GABRG1: variants seen among roughly 807,000 people sequenced by gnomAD.
GABRG1 encodes gamma-aminobutyric acid type A receptor subunit gamma1, also known as gamma-aminobutyric acid receptor subunit gamma-1.
Under a neutral mutation model 49.8 loss-of-function variants are expected in GABRG1, and 49 were observed. The observed-to-expected ratio is 0.98, with a 90% CI of 0.78 to 1.25. GABRG1 has a LOEUF of 1.25. Ranked by LOEUF, GABRG1 falls within the 50% of genes most tolerant of loss-of-function variation. The probability of loss-of-function intolerance (pLI) is 0.00; values close to 1 mark genes in which losing one functional copy is unlikely to be tolerated. For missense variants in GABRG1, 552 were observed against 552.3 expected, an observed-to-expected ratio of 1.00 and a Z score of 0.01; for synonymous variants, 232 against 185.1, an observed-to-expected ratio of 1.25 and a Z score of -2.06.
intron 3 of GABRG1, among the ~76,000 whole-genome samples, chr4:46,071,315 AAT>A (rs1307530495): frequency 6.6e-6 from 1 of 151,590 alleles, no homozygotes; most frequent in East Asian, 1.9e-4. Flanking sequence ...AGACACAACA[AAT>A]ATATATGTTA....
intron 2 of GABRG1, among the ~76,000 whole-genome samples, chr4:46,096,970 G>A (rs1720184504): frequency 6.6e-6 from 1 of 151,614 alleles, no homozygotes; most frequent in Admixed American, 6.6e-5. Flanking sequence ...AACTCGGTCA[G>A]ATATTGTTGT....
In GABRG1 at chr4:46,048,975, G is replaced by C. The variant is rs1166187190; in HGVS notation, c.1131+2449C>G. On this transcript the variant is annotated intron_variant, in intron 8 of 8. Transcript: ENST00000295452. ...AGGATTTTAATTTTGCTTAATAACA[G>C]AATTGTTGACCTTTCAGCAACTCTC... Among the ~76,000 whole-genome samples the C allele has an allele frequency of 2.0e-5, 3 of 151,874 alleles. No individual in the cohort carries two copies. In the Admixed American group the frequency reaches 2.0e-4, roughly 10 times the overall value.
At chr4:46,066,280 C>T (rs1262299099) in intron 3 of GABRG1, among the ~76,000 whole-genome samples, 1 of 151,970 alleles carries the variant, frequency 6.6e-6, no homozygotes, top group Non-Finnish European at 1.5e-5. Context: ...TTTTTAAGAG[C>T]CCTTACATTG....
At position 46,097,209 on chromosome 4, in the gene GABRG1, T is replaced by C. The variant is rs752846754; in HGVS notation, c.245A>G (p.Asp82Gly). ...LQGYDNKLRP[D>G]IGVRPTVIET... The stretch of plus-strand genomic sequence containing the variant: ...TGGTAACTCAAGCTTACCTCCTATA[T>C]CTGGACGAAGTTTATTGTCATAGCC... The change falls in exon 2 of 9, where the codon GAT becomes GGT. Residue 82 changes from aspartate to glycine, a missense_variant. Physicochemically the swap from Asp to Gly is moderately conservative, Grantham distance 94. Transcript: ENST00000295452. 12 of 1,607,248 alleles carry C rather than the reference T, an allele frequency of 7.5e-6. No homozygotes were observed. Among genetic ancestry groups the C allele is most frequent in the Middle Eastern group, 3.3e-4 (2 of 6,036 alleles).
At chr4:46,068,729 A>G (rs1719008055) in intron 3 of GABRG1, among the ~76,000 whole-genome samples, 1 of 152,114 alleles carries the variant, frequency 6.6e-6, no homozygotes, top group African/African-American at 2.4e-5. Flanking sequence ...AAAAAAATCC[A>G]GTTTTGTATT....
chr4:46,065,278 C>CT (rs1406953553), intron 4 of GABRG1, 86 bp downstream of exon 4: 2 of 981,540 alleles, frequency 2.0e-6, no homozygotes, highest in African/African-American at 3.4e-5. Flanking sequence ...GGTTTTGCAA[C>CT]TTTGAGAAAT....
chr4:46,085,078 T>C (rs1228433401), intron 2 of GABRG1, among the ~76,000 whole-genome samples: 1 of 151,532 alleles, frequency 6.6e-6, no homozygotes, highest in Non-Finnish European at 1.5e-5. Context: ...CATTCTTATA[T>C]AATAAGAGAT....
rs1393280318 is a variant in GABRG1 at position 46,106,059 on chromosome 4, G to T, written c.105-8710C>A. 7.9e-5 allele frequency among the ~76,000 whole-genome samples: 12 copies of T among 151,452 alleles called. No individual in the cohort carries two copies. The South Asian group carries it at 1.9e-3, about 24-fold the overall frequency. On this transcript the variant is annotated intron_variant, in intron 1 of 8. Transcript: ENST00000295452. Reference sequence around the variant, plus strand: ...ACCTACTGAACTACACTGTGACCTGGTATGAAAGCAATCAACAGGCAGGCT... The same window carrying T: ...ACCTACTGAACTACACTGTGACCTGTTATGAAAGCAATCAACAGGCAGGCT...
intron 2 of GABRG1, among the ~76,000 whole-genome samples, chr4:46,090,000 A>G (rs1219911855): frequency 6.6e-6 from 1 of 152,054 alleles, no homozygotes; most frequent in African/African-American, 2.4e-5. Context: ...TATTTATCAT[A>G]AAGCAATGGA....
intron 3 of GABRG1, among the ~76,000 whole-genome samples, chr4:46,078,151 C>T (rs1280554272): frequency 5.3e-5 from 8 of 151,558 alleles, no homozygotes; most frequent in African/African-American, 1.9e-4. Context: ...ACTGCAAACA[C>T]CAAGAAAATA....
intron 1 of GABRG1, among the ~76,000 whole-genome samples, chr4:46,113,094 G>T (rs766507442): frequency 7.3e-5 from 11 of 151,116 alleles, no homozygotes; most frequent in Admixed American, 2.0e-4. Flanking sequence ...ATTGAAGCCT[G>T]TCTGATCACT....
rs554242003 is a variant in GABRG1, at chr4:46,076,054, A to T, written c.321+7932T>A. 3.9e-5 allele frequency among the ~76,000 whole-genome samples: 6 copies of T among 151,954 alleles called. No homozygotes were observed. The South Asian group carries it at 1.0e-3, about 26-fold the overall frequency. ...CCTAAAAGCCTGACTTCACCACAGC[A>T]CAACCTATCCATGTGACAAAATTAT... On this transcript the variant is annotated intron_variant, in intron 3 of 8. Transcript: ENST00000295452.
chr4:46,047,436 T>C (rs149345801), intron 8 of GABRG1, among the ~76,000 whole-genome samples: 19 of 152,198 alleles, frequency 1.2e-4, no homozygotes, highest in African/African-American at 4.3e-4. Context: ...TTATATGTTT[T>C]ATGAATGAAT....
At chr4:46,116,034 G>T (rs1251155637) in intron 1 of GABRG1, among the ~76,000 whole-genome samples, 5 of 150,674 alleles carry the variant, frequency 3.3e-5, no homozygotes, top group Middle Eastern at 3.2e-3. Context: ...TTTAATAAAA[G>T]AATAAATACT....
intron 3 of GABRG1, 88 bp downstream of exon 3, chr4:46,083,898 T>TA: frequency 4.0e-6 from 3 of 757,286 alleles, no homozygotes; most frequent in East Asian, 2.7e-5. Context: ...GAATTAACTA[T>TA]AAAAAATTAC....
At chr4:46,110,735 A>G (rs1418845141) in intron 1 of GABRG1, among the ~76,000 whole-genome samples, 1 of 151,182 alleles carries the variant, frequency 6.6e-6, no homozygotes, top group African/African-American at 2.4e-5. Context: ...TCATATGAGC[A>G]TAATTAAAAA....
intron 3 of GABRG1, among the ~76,000 whole-genome samples, chr4:46,069,411 T>G (rs1719037193): frequency 6.6e-6 from 1 of 152,004 alleles, no homozygotes; most frequent in Admixed American, 6.6e-5. Context: ...GTGGTAAAAT[T>G]TTATAGGTAT....
intron 8 of GABRG1, among the ~76,000 whole-genome samples, chr4:46,045,995 A>G (rs1717983744): frequency 6.6e-6 from 1 of 152,160 alleles, no homozygotes; most frequent in Non-Finnish European, 1.5e-5. Flanking sequence ...TCAGAAATAC[A>G]ATGAAAATAA....
chr4:46,070,898 G>A (rs1324018670), intron 3 of GABRG1, among the ~76,000 whole-genome samples: 1 of 151,988 alleles, frequency 6.6e-6, no homozygotes, highest in Non-Finnish European at 1.5e-5. Flanking sequence ...AAAAACTACT[G>A]ATTTCAATGT....
Sources: gnomAD v4.1 joint callset for allele counts (sites outside exome capture counted in the v4.1 genomes callset) on GRCh38, gnomAD v4.1.1 for gene constraint, MANE v1.5 for transcripts, NCBI Gene and HGNC (gene_info 2026-07-23, HGNC 2026-07-21) for gene names.